The following TSPAN9 variants were observed in gnomAD, a reference collection of about 807,000 sequenced individuals.
TSPAN9 encodes tetraspanin 9, also known as tetraspanin-9.
TSPAN9 carries 16 observed loss-of-function variants against 31.0 expected under a neutral mutation model. The observed-to-expected ratio is 0.52, with a 90% CI of 0.35 to 0.78. The LOEUF (loss-of-function observed/expected upper bound fraction) is 0.78, where lower values mean the gene tolerates loss of function less well. TSPAN9 is among the 30% of genes least tolerant of loss of function. The pLI is 0.01. For missense variants in TSPAN9, 272 were observed against 312.5 expected, an observed-to-expected ratio of 0.87 and a Z score of 0.98; for synonymous variants, 145 against 121.6, an observed-to-expected ratio of 1.19 and a Z score of -1.27.
chr12:3,197,294 G>A (rs2098367537), intron 2 of TSPAN9, among the ~76,000 whole-genome samples: 1 of 152,178 alleles, frequency 6.6e-6, no homozygotes, highest in South Asian at 2.1e-4. Flanking sequence ...GCAGCCGTGG[G>A]CCCCTCAGGA....
intron 2 of TSPAN9, among the ~76,000 whole-genome samples, chr12:3,128,971 T>C (rs1342168454): frequency 6.6e-6 from 1 of 152,220 alleles, no homozygotes; most frequent in East Asian, 1.9e-4. Flanking sequence ...ATTTTCTGGC[T>C]ATGAATTGGA....
chr12:3,135,824 C>T (rs1221533304), intron 2 of TSPAN9, among the ~76,000 whole-genome samples: 1 of 152,200 alleles, frequency 6.6e-6, no homozygotes, highest in Non-Finnish European at 1.5e-5. Context: ...CCCTCTCAGA[C>T]GTACCCTGTG....
intron 2 of TSPAN9, among the ~76,000 whole-genome samples, chr12:3,124,624 T>C (rs61916307): frequency 0.14 from 20,625 of 151,786 alleles, 1,719 homozygotes; most frequent in Middle Eastern, 0.22. Flanking sequence ...TGATCAGGCT[T>C]ATCTTGAACT....
At position 3,163,463 on chromosome 12, in the gene TSPAN9, T is replaced by C. The variant is rs567511121; in HGVS notation, c.-17-37714T>C. 2.0e-5 allele frequency among the ~76,000 whole-genome samples: 3 copies of C among 152,330 alleles called. No individual in the cohort carries two copies. In the East Asian group the frequency reaches 5.8e-4, roughly 29 times the overall value. ...ACCATGGCTTTCTGTTCTCATTTTA[T>C]GTCATTTCTCCTCCCTTCCACCCCG... On this transcript the variant is annotated intron_variant, in intron 2 of 8. Coordinates refer to ENST00000011898, the MANE Select transcript of TSPAN9 (RefSeq NM_006675.5).
chr12:3,174,268 T>C (rs1205613285), intron 2 of TSPAN9, among the ~76,000 whole-genome samples: 6 of 152,134 alleles, frequency 3.9e-5, no homozygotes, highest in African/African-American at 1.2e-4. Flanking sequence ...AGTCTTACTA[T>C]GTTGCCCAGG....
At chr12:3,090,103 C>T (rs536165726) in intron 2 of TSPAN9, among the ~76,000 whole-genome samples, 9 of 152,228 alleles carry the variant, frequency 5.9e-5, no homozygotes, top group East Asian at 3.9e-4. Context: ...AGCATCCAGC[C>T]GTCCACCTAT....
At chr12:3,238,377 TGA>T (rs1454225862) in intron 3 of TSPAN9, among the ~76,000 whole-genome samples, 2 of 152,228 alleles carry the variant, frequency 1.3e-5, no homozygotes, top group African/African-American at 4.8e-5. Flanking sequence ...ACATGTGTCC[TGA>T]GCACAGTCCG....
chr12:3,175,570 T>C (rs1256595106), intron 2 of TSPAN9, among the ~76,000 whole-genome samples: 1 of 152,224 alleles, frequency 6.6e-6, no homozygotes, highest in East Asian at 1.9e-4. Context: ...CTCGCTGTGC[T>C]CACGGGAGCC....
intron 2 of TSPAN9, among the ~76,000 whole-genome samples, chr12:3,196,431 T>G (rs940081882): frequency 6.6e-6 from 1 of 152,186 alleles, no homozygotes; most frequent in Admixed American, 6.5e-5. Flanking sequence ...GGAAGATTCT[T>G]AAGGGCAGAA....
At chr12:3,253,066 CT>C (rs954417021) in intron 3 of TSPAN9, among the ~76,000 whole-genome samples, 4 of 152,138 alleles carry the variant, frequency 2.6e-5, no homozygotes, top group African/African-American at 9.7e-5. Context: ...AAAGCAGGGG[CT>C]CATGTGGATC....
intron 1 of TSPAN9, among the ~76,000 whole-genome samples, chr12:3,079,323 TACTC>T (rs1262524536): frequency 5.9e-5 from 9 of 152,162 alleles, no homozygotes; most frequent in African/African-American, 2.2e-4. Flanking sequence ...AAGAAAATGA[TACTC>T]AGAGAGAATA....
At chr12:3,157,302 C>T (rs376371212) in intron 2 of TSPAN9, among the ~76,000 whole-genome samples, 9 of 152,096 alleles carry the variant, frequency 5.9e-5, no homozygotes, top group Non-Finnish European at 1.0e-4. Context: ...GGGGTTTCAC[C>T]GTGTTAGCCA....
chr12:3,108,779 A>G (rs1035337470), intron 2 of TSPAN9, among the ~76,000 whole-genome samples: 2 of 151,874 alleles, frequency 1.3e-5, no homozygotes, highest in Admixed American at 1.3e-4. Flanking sequence ...CCGGCCTTCT[A>G]TCGGGGTTTT....
intron 2 of TSPAN9, among the ~76,000 whole-genome samples, chr12:3,186,382 A>T (rs2098361316): frequency 6.6e-6 from 1 of 152,160 alleles, no homozygotes; most frequent in Non-Finnish European, 1.5e-5. Context: ...CATGGAGAAG[A>T]TGCCATTTGA....
At chr12:3,129,724 A>G (rs1481907095) in intron 2 of TSPAN9, among the ~76,000 whole-genome samples, 1 of 152,224 alleles carries the variant, frequency 6.6e-6, no homozygotes, top group Non-Finnish European at 1.5e-5. Context: ...TAGCTTAAGC[A>G]AAAATTAAGA....
intron 3 of TSPAN9, among the ~76,000 whole-genome samples, chr12:3,259,097 A>G (rs903280644): frequency 2.0e-5 from 3 of 152,210 alleles, no homozygotes; most frequent in Non-Finnish European, 4.4e-5. Context: ...TATTTAGCCT[A>G]TTAGTTTGCT....
intron 2 of TSPAN9, among the ~76,000 whole-genome samples, chr12:3,163,378 G>A (rs906975990): frequency 2.0e-5 from 3 of 152,158 alleles, no homozygotes. Flanking sequence ...TCTACCCCAT[G>A]GTAAGATATT....
chr12:3,280,254 G>C lies in TSPAN9; in HGVS notation c.331-128G>C. On this transcript the variant is annotated intron_variant, in intron 5 of 8. Transcript: ENST00000011898. The surrounding 1 kb of genome is among the most constrained non-coding windows in gnomAD (Gnocchi z 4.5). ...CCACCCCAGTGGGCAGGGCCTTCCA[G>C]ACCAGCTGCCTTCCCTGCCTTCCTC... The C allele has an allele frequency of 1.2e-6, 1 of 820,732 alleles. No homozygotes were observed. Among genetic ancestry groups the C allele is most frequent in the Admixed American group, 2.1e-5 (1 of 46,582 alleles). 50.8% of individuals were successfully genotyped at this position (820,732 alleles called of 1,614,324 possible).
At chr12:3,099,658 C>T (rs77575144) in intron 2 of TSPAN9, among the ~76,000 whole-genome samples, 2,367 of 152,132 alleles carry the variant, frequency 0.016, 67 homozygotes, top group African/African-American at 0.054. Flanking sequence ...TGGTATTGGG[C>T]TTTATTCTGG....
Sources: allele counts gnomAD v4.1 joint callset (sites outside exome capture counted in the v4.1 genomes callset), GRCh38; gene constraint gnomAD v4.1.1; non-coding constraint Gnocchi (gnomAD v3.1); transcripts MANE v1.5; gene names NCBI Gene and HGNC (gene_info 2026-07-23, HGNC 2026-07-21).